The following TENM1 variants were observed in gnomAD, a reference collection of about 807,000 sequenced individuals.
The protein encoded by TENM1 is teneurin transmembrane protein 1.
A neutral mutation model predicts 174.8 loss-of-function variants in TENM1; 35 were observed. That is an observed-to-expected ratio of 0.20 (90% confidence interval 0.15 to 0.27). The LOEUF is 0.27. Ranked by LOEUF, TENM1 falls within the 10% of genes least tolerant of loss-of-function variation. The pLI, the probability that TENM1 is intolerant of heterozygous loss-of-function variation, is 1.00. For missense variants in TENM1, 1,633 were observed against 2,130.1 expected (o/e 0.77, Z 4.59); for synonymous variants, 781 against 798.7 (o/e 0.98, Z 0.37).
At chrX:125,108,733 T>TAC in the TENM1 span, among the ~76,000 whole-genome samples, 75 of 90,656 alleles carry the variant, frequency 8.3e-4, 1 homozygote, top group East Asian at 0.017. Context: ...TATATATATA[T>TAC]ACACACACAC....
intron 3 of TENM1, among the ~76,000 whole-genome samples, chrX:124,751,171 T>C (rs1202482371): frequency 8.9e-6 from 1 of 111,756 alleles, no homozygotes; most frequent in Non-Finnish European, 1.9e-5. Context: ...TTTTTCTTCC[T>C]GCACATTAAA....
upstream of TENM1, among the ~76,000 whole-genome samples, chrX:124,964,154 A>T (rs2058696095): frequency 8.9e-6 from 1 of 112,612 alleles, no homozygotes; most frequent in African/African-American, 3.2e-5. Context: ...TGGTTAGATT[A>T]AAAAACGTTA....
intron 14 of TENM1, among the ~76,000 whole-genome samples, chrX:124,554,407 TAC>T (rs1282079656): frequency 3.1e-4 from 35 of 111,845 alleles, no homozygotes; most frequent in African/African-American, 9.8e-4. Flanking sequence ...GGTGAACAGT[TAC>T]AGAGTTGAGA....
chrX:124,528,607 CATTTG>C, intron 16 of TENM1, among the ~76,000 whole-genome samples: 1 of 109,717 alleles, frequency 9.1e-6, no homozygotes, highest in Non-Finnish European at 1.9e-5. Context: ...GAGAAAGACC[CATTTG>C]AATTAATAGA....
chrX:125,189,650 C>G, the TENM1 span, among the ~76,000 whole-genome samples: 1 of 111,687 alleles, frequency 9.0e-6, no homozygotes, highest in Non-Finnish European at 1.9e-5. Context: ...CAGTTCTCAG[C>G]CTCTTATAAC....
chrX:124,761,274 C>G (rs1296474941), intron 3 of TENM1, among the ~76,000 whole-genome samples: 2 of 110,403 alleles, frequency 1.8e-5, no homozygotes, highest in Non-Finnish European at 3.8e-5. Flanking sequence ...TTCACAATAG[C>G]AAAGACTTGG....
rs762136103 is a variant in TENM1, at chrX:124,772,374, G to A, written c.536-35177C>T. On this transcript the variant is annotated intron_variant, in intron 3 of 31. Coordinates refer to ENST00000422452, the Ensembl canonical transcript of TENM1. ...TGGCCTTGAACTCCTGACGTCAAGTGATCTGCCCTCCTTGGCTTCGAAAGT... is the reference window on the plus strand; with the variant it reads ...TGGCCTTGAACTCCTGACGTCAAGTAATCTGCCCTCCTTGGCTTCGAAAGT... Among the ~76,000 whole-genome samples the A allele has an allele frequency of 2.7e-4, 30 of 111,994 alleles. No homozygotes were observed. In the South Asian group the frequency reaches 7.1e-3, roughly 26 times the overall value.
At chrX:124,494,484 C>A (rs1309683559) in intron 20 of TENM1, among the ~76,000 whole-genome samples, 1 of 99,275 alleles carries the variant, frequency 1.0e-5, no homozygotes, top group Non-Finnish European at 2.0e-5. Flanking sequence ...GGAGTTGAAG[C>A]TTCCCTTTTC....
intron 11 of TENM1, among the ~76,000 whole-genome samples, chrX:124,597,290 A>G (rs996436930): frequency 8.9e-6 from 1 of 112,199 alleles, no homozygotes; most frequent in African/African-American, 3.2e-5. Flanking sequence ...CCATCAATCA[A>G]CAAGAGGATA....
At chrX:124,529,831 C>T in intron 16 of TENM1, 33 bp downstream of exon 19, 1 of 1,209,754 alleles carries the variant, frequency 8.3e-7, no homozygotes, top group Non-Finnish European at 1.1e-6. Context: ...CAGTAATTGG[C>T]CCCCACAATG....
chrX:124,987,701 T>TTGTGTGTGTGTGTGTG, the TENM1 span, among the ~76,000 whole-genome samples: 31 of 91,386 alleles, frequency 3.4e-4, no homozygotes, highest in South Asian at 5.6e-4. Flanking sequence ...GTTCTGCATT[T>TTGTGTGTGTGTGTGTG]TGTGTGTGTG....
At chrX:124,958,759 C>T in intron 1 of TENM1, among the ~76,000 whole-genome samples, 1 of 111,397 alleles carries the variant, frequency 9.0e-6, no homozygotes, top group Non-Finnish European at 1.9e-5. Flanking sequence ...GGGATAATAG[C>T]GCATACCTCA....
chrX:124,939,819 G>A (rs1046065935), intron 1 of TENM1, among the ~76,000 whole-genome samples: 4 of 111,878 alleles, frequency 3.6e-5, no homozygotes, highest in Non-Finnish European at 3.8e-5. Context: ...TGTGATCCAG[G>A]TGTCAGCTAT....
At chrX:124,580,499 T>C (rs1267125409) in intron 11 of TENM1, among the ~76,000 whole-genome samples, 3 of 109,632 alleles carry the variant, frequency 2.7e-5, no homozygotes, top group South Asian at 7.9e-4. Context: ...TATATACACA[T>C]GTGTGTGTAT....
chrX:124,392,152 C>T, exon 28 of TENM1: 2 of 1,210,963 alleles, frequency 1.7e-6, no homozygotes, highest in Non-Finnish European at 2.2e-6. Context: ...CCACGTTCCT[C>T]TTTGAATAAA....
chrX:124,768,740 GAAA>G (rs2054586050), intron 3 of TENM1, among the ~76,000 whole-genome samples: 1 of 112,389 alleles, frequency 8.9e-6, no homozygotes, highest in Non-Finnish European at 1.9e-5. Flanking sequence ...AACCAATGGT[GAAA>G]AATGCAAATA....
chrX:124,552,455 A>C (rs1304877389), intron 14 of TENM1, among the ~76,000 whole-genome samples: 2 of 91,481 alleles, frequency 2.2e-5, no homozygotes, highest in African/African-American at 8.2e-5. Context: ...GTATTAGAAA[A>C]AAGAAAGTGA....
chrX:124,743,300 T>C (rs1215822033), intron 3 of TENM1, among the ~76,000 whole-genome samples: 1 of 112,241 alleles, frequency 8.9e-6, no homozygotes, highest in African/African-American at 3.2e-5. Context: ...GCTTTAATAT[T>C]AATATACCAA....
the TENM1 span, among the ~76,000 whole-genome samples, chrX:125,100,919 T>C: frequency 2.7e-5 from 3 of 111,537 alleles, no homozygotes; most frequent in Admixed American, 9.5e-5. Context: ...GATTGACCTG[T>C]TGGCCCAAAA....
Sources: gnomAD v4.1 joint callset for allele counts (sites outside exome capture counted in the v4.1 genomes callset) on GRCh38, gnomAD v4.1.1 for gene constraint, MANE v1.5 for transcripts, NCBI Gene and HGNC (gene_info 2026-07-23, HGNC 2026-07-21) for gene names.